Variants in TMPRSS9 observed in about 807,000 individuals in gnomAD.
TMPRSS9 encodes the protein transmembrane protease serine 9.
TMPRSS9 carries 113 observed loss-of-function variants against 111.4 expected under a neutral mutation model. The observed-to-expected ratio is 1.01, with a 90% CI of 0.87 to 1.19. The LOEUF (loss-of-function observed/expected upper bound fraction) is 1.19, where lower values mean the gene tolerates loss of function less well. Ranked by LOEUF, TMPRSS9 falls within the 50% of genes most tolerant of loss-of-function variation. The pLI is 0.00. For synonymous variants in TMPRSS9, 805 were observed against 659.1 expected (o/e 1.22, Z -3.39); for missense variants, 1,803 against 1,513.1 (o/e 1.19, Z -3.18).
chr19:2,385,872 G>T (rs906116016), upstream of TMPRSS9, among the ~76,000 whole-genome samples: 1 of 151,816 alleles, frequency 6.6e-6, no homozygotes, highest in Non-Finnish European at 1.5e-5. Context: ...AAAAGATTAC[G>T]TATCTATTCC....
chr19:2,411,907 G>T (rs186625318), intron 9 of TMPRSS9, among the ~76,000 whole-genome samples: 2 of 152,222 alleles, frequency 1.3e-5, no homozygotes, highest in Non-Finnish European at 2.9e-5. Flanking sequence ...TCAGCCACCT[G>T]GTCTTGTTTG....
chr19:2,379,661 C>CTT (rs1422812836), intron 1 of TMPRSS9, among the ~76,000 whole-genome samples: 1 of 148,910 alleles, frequency 6.7e-6, no homozygotes, highest in Non-Finnish European at 1.5e-5. Flanking sequence ...TTCTTTCTTT[C>CTT]TTTCTTTCTT....
At position 2,418,251 on chromosome 19, in the gene TMPRSS9, C is replaced by G. The variant is rs565522607; in HGVS notation, c.2154+113C>G. 49 of 1,125,994 alleles carry G rather than the reference C, an allele frequency of 4.4e-5. 3 individuals are homozygous for G. The highest frequency in any genetic ancestry group is 1.1e-4 in the East Asian group (4 of 36,754). The allele number at this position is 1,125,994 out of a possible 1,614,324, so 69.8% of individuals were successfully genotyped here. A position where few individuals can be genotyped will look rare whatever the true frequency, so the allele number is the denominator to read the frequency against. On this transcript the variant is annotated intron_variant, in intron 13 of 17. Coordinates refer to ENST00000648592, the Ensembl canonical transcript of TMPRSS9. ...TTTTTTTCCTTTCTTTCCTTCCCCCCCTCCTTCCCTCCTTGTCCTTCCCTC... is the reference window on the plus strand; with the variant it reads ...TTTTTTTCCTTTCTTTCCTTCCCCCGCTCCTTCCCTCCTTGTCCTTCCCTC...
chr19:2,380,804 A>G (rs1186963279), intron 1 of TMPRSS9, among the ~76,000 whole-genome samples: 1 of 152,112 alleles, frequency 6.6e-6, no homozygotes. Context: ...TTACACAGCA[A>G]TAGCTGACTA....
intron 1 of TMPRSS9, among the ~76,000 whole-genome samples, chr19:2,368,977 G>A (rs973236622): frequency 6.8e-6 from 1 of 146,496 alleles, no homozygotes; most frequent in African/African-American, 2.5e-5. Context: ...TTGAGACAGA[G>A]TTTTGCTCTC....
chr19:2,424,256 G>C (rs1228311765), exon 15 of TMPRSS9: 6 of 1,374,764 alleles, frequency 4.4e-6, no homozygotes, highest in African/African-American at 1.5e-5. Context: ...CTGCTTCGAC[G>C]TGTGAGTTCC....
chr19:2,417,992 T>C lies in TMPRSS9; in HGVS notation c.2018-10T>C, dbSNP rs756829279. 7 of 1,611,744 alleles carry C rather than the reference T, an allele frequency of 4.3e-6. No individual in the cohort carries two copies. The highest frequency in any genetic ancestry group is 5.9e-6 in the Non-Finnish European group (7 of 1,179,408). On this transcript the variant is annotated splice_polypyrimidine_tract_variant and intron_variant, in intron 12 of 17. Coordinates refer to ENST00000648592, the Ensembl canonical transcript of TMPRSS9. ...TGTGCACGTGGCCTTTCTGGCTCTT[T>C]CCCTGGTAGCCACCAAGCCCGAGCT...
intron 1 of TMPRSS9, among the ~76,000 whole-genome samples, chr19:2,367,226 A>C (rs1970254216): frequency 1.3e-5 from 2 of 152,164 alleles, no homozygotes; most frequent in Admixed American, 1.3e-4. Context: ...ATTTTTGGAG[A>C]TATTTAAAAA....
chr19:2,371,970 G>A (rs750305137), intron 1 of TMPRSS9, among the ~76,000 whole-genome samples: 7 of 152,072 alleles, frequency 4.6e-5, no homozygotes, highest in Non-Finnish European at 7.4e-5. Context: ...GTGCGATCTC[G>A]GCTCACTGCA....
rs370958140 is a variant in TMPRSS9, at chr19:2,373,031, G to C, written c.-26+12671G>C. 1.1e-4 allele frequency among the ~76,000 whole-genome samples: 17 copies of C among 151,884 alleles called. No individual in the cohort carries two copies. In the South Asian group the frequency reaches 2.3e-3, roughly 20 times the overall value. On this transcript the variant is annotated intron_variant, in intron 1 of 17. Transcript: ENST00000649857. ...TATTTTTTGTGGAGATGGGGGTCTC[G>C]CCATGTTGCTCAGGCTGGTCTCAAC...
chr19:2,422,744 C>T (rs558442794), intron 14 of TMPRSS9, among the ~76,000 whole-genome samples: 1 of 152,256 alleles, frequency 6.6e-6, no homozygotes, highest in South Asian at 2.1e-4. Context: ...TAAAAAAAGC[C>T]AGGCATGGTG....
chr19:2,383,028 G>A (rs535693646), intron 1 of TMPRSS9, among the ~76,000 whole-genome samples: 1 of 152,194 alleles, frequency 6.6e-6, no homozygotes, highest in Non-Finnish European at 1.5e-5. Flanking sequence ...CATTATGGAG[G>A]GTCACCTGCT....
intron 1 of TMPRSS9, among the ~76,000 whole-genome samples, chr19:2,366,075 G>A (rs1970246299): frequency 6.6e-6 from 1 of 152,028 alleles, no homozygotes; most frequent in Non-Finnish European, 1.5e-5. Context: ...GAAACTGCTT[G>A]GAAAAAAAGG....
chr19:2,362,838 GTGTGTGTGGTTGT>G (rs976619242), intron 1 of TMPRSS9, among the ~76,000 whole-genome samples: 2 of 151,462 alleles, frequency 1.3e-5, no homozygotes, highest in African/African-American at 4.9e-5. Flanking sequence ...TTTTGTGAGG[GTGTGTGTGGTTGT>G]GGTGTGTGGT....
intron 8 of TMPRSS9, 113 bp downstream of exon 9, chr19:2,408,743 G>A (rs549894664): frequency 2.2e-5 from 30 of 1,371,058 alleles, no homozygotes; most frequent in Middle Eastern, 1.9e-4. Context: ...TTGGGAGGCC[G>A]AGGCGGGTGG....
At chr19:2,382,773 GCA>G (rs1193262932) in intron 1 of TMPRSS9, among the ~76,000 whole-genome samples, 1 of 151,836 alleles carries the variant, frequency 6.6e-6, no homozygotes, top group East Asian at 1.9e-4. Context: ...ATGCACACAC[GCA>G]CACACAGATG....
chr19:2,376,300 C>T (rs1599276944), intron 1 of TMPRSS9, among the ~76,000 whole-genome samples: 1 of 152,120 alleles, frequency 6.6e-6, no homozygotes, highest in East Asian at 1.9e-4. Context: ...TGAGGCCCGC[C>T]AGATCATCAG....
At chr19:2,424,287 C>T (rs1193327813) in intron 15 of TMPRSS9, 30 bp downstream of exon 16, 2 of 1,331,280 alleles carry the variant, frequency 1.5e-6, no homozygotes, top group Non-Finnish European at 1.9e-6. Flanking sequence ...AATGCCCCTA[C>T]ATGTCTCTGT....
chr19:2,418,319 C>CTTT (rs1168336908), intron 13 of TMPRSS9, among the ~76,000 whole-genome samples, 181 bp downstream of exon 14: 3 of 39,620 alleles, frequency 7.6e-5, no homozygotes, highest in African/African-American at 5.3e-4. Flanking sequence ...CCCTCCCTCC[C>CTTT]TCCCTCCCTC....
Sources: allele counts gnomAD v4.1 joint callset (sites outside exome capture counted in the v4.1 genomes callset), GRCh38; gene constraint gnomAD v4.1.1; transcripts MANE v1.5; gene names NCBI Gene and HGNC (gene_info 2026-07-23, HGNC 2026-07-21).